NECAP2: variants seen among roughly 807,000 people sequenced by gnomAD.
NECAP2 encodes the protein adaptin ear-binding coat-associated protein 2.
Under a neutral mutation model 37.8 loss-of-function variants are expected in NECAP2, and 38 were observed. The ratio of observed to expected loss-of-function variants is 1.01; its 90% CI spans 0.78 to 1.32. The LOEUF is 1.32. NECAP2 is among the 40% of genes most tolerant of loss of function. NECAP2 has a pLI of 0.00. For synonymous variants in NECAP2, 121 were observed against 127.7 expected (o/e 0.95, Z 0.35); for missense variants, 316 against 334.5 (o/e 0.94, Z 0.43).
At chr1:16,455,776 C>A (rs1242684124) in intron 6 of NECAP2, 42 bp from the exon 7 acceptor site, 7 of 1,516,978 alleles carry the variant, frequency 4.6e-6, no homozygotes, top group South Asian at 3.4e-5. Flanking sequence ...CTTCTCTGTC[C>A]CCTCTTCTCT....
intron 5 of NECAP2, chr1:16,450,288 G>GTTT: frequency 1.3e-4 from 39 of 297,910 alleles, no homozygotes; most frequent in East Asian, 3.9e-4. Flanking sequence ...TTGTTTTGTT[G>GTTT]TTTTTTTTTT....
In NECAP2 at chr1:16,459,777, C is replaced by T. The variant is rs1328428478; in HGVS notation, c.*887C>T. The T allele has an allele frequency of 6.6e-6, 1 of 152,250 alleles. No homozygotes were observed. The highest frequency in any genetic ancestry group is 2.4e-5 in the African/African-American group (1 of 41,474). The allele number at this position is 152,250 out of a possible 1,614,324, so 9.4% of individuals were successfully genotyped here. On this transcript the variant is annotated 3_prime_UTR_variant, in exon 8 of 8. Transcript: ENST00000337132. ...CTCGGCTCACATGTTCACAGTGCAG[C>T]TCCTGGCAGACTTGGGTTTTCTCTT...
intron 5 of NECAP2, chr1:16,450,253 TTTTTG>T (rs1553169496): frequency 3.0e-5 from 12 of 394,144 alleles, no homozygotes; most frequent in African/African-American, 8.8e-5. Flanking sequence ...TAGTGGTTTT[TTTTTG>T]TTTTGTTTTG....
At chr1:16,447,785 C>A (rs141897360) in intron 2 of NECAP2, 85 bp from the exon 3 acceptor site, 2 of 1,065,748 alleles carry the variant, frequency 1.9e-6, no homozygotes, top group Non-Finnish European at 1.5e-6. Flanking sequence ...AGATGCCTTG[C>A]GGGCAAAAGG....
rs1019952045 is a variant in NECAP2 at position 16,453,004 on chromosome 1, C to T, written c.667+989C>T. The stretch of plus-strand genomic sequence containing the variant: ...GAGGGGCAGTCAGAGAGCCCCGGCC[C>T]GGTACCAGGAACTGTTCTTTAAGTG... On this transcript the variant is annotated intron_variant, in intron 6 of 7. Transcript: ENST00000337132. 5.9e-5 allele frequency among the ~76,000 whole-genome samples: 9 copies of T among 152,016 alleles called. No individual in the cohort carries two copies. The South Asian group carries it at 1.2e-3, about 21-fold the overall frequency.
In NECAP2 at chr1:16,459,191, T is replaced by G; in HGVS notation, c.*301T>G. The G allele has an allele frequency of 2.1e-6, 1 of 483,930 alleles. No homozygotes were observed. Among genetic ancestry groups the G allele is most frequent in the Non-Finnish European group, 3.6e-6 (1 of 279,276 alleles). The allele number at this position is 483,930 out of a possible 1,614,324, so 30.0% of individuals were successfully genotyped here. ...TGAGACTTCTTCCATCGCAATGACC[T>G]GTATTAAACACAAGCCCCCCAAGCA... On this transcript the variant is annotated 3_prime_UTR_variant, in exon 8 of 8. Coordinates refer to ENST00000337132, the MANE Select transcript of NECAP2 (RefSeq NM_018090.5).
chr1:16,450,174 G>A (rs991794755), intron 5 of NECAP2: 4 of 455,358 alleles, frequency 8.8e-6, no homozygotes, highest in Non-Finnish European at 1.8e-5. Context: ...CCAGTGGACT[G>A]GTTGGGATGT....
At chr1:16,453,746 C>CA (rs1453438443) in intron 6 of NECAP2, among the ~76,000 whole-genome samples, 1 of 152,156 alleles carries the variant, frequency 6.6e-6, no homozygotes, top group East Asian at 1.9e-4. Flanking sequence ...CTCAGCCTCC[C>CA]AAAGTGCTGG....
chr1:16,459,826 C>T lies in NECAP2; in HGVS notation c.*936C>T, dbSNP rs1266814929. The T allele has an allele frequency of 6.6e-6, 1 of 152,238 alleles. No homozygotes were observed. Among genetic ancestry groups the T allele is most frequent in the East Asian group, 1.9e-4 (1 of 5,194 alleles). The allele number at this position is 152,238 out of a possible 1,614,324, so 9.4% of individuals were successfully genotyped here. A position where few individuals can be genotyped will look rare whatever the true frequency, so the allele number is the denominator to read the frequency against. On this transcript the variant is annotated 3_prime_UTR_variant, in exon 8 of 8. Coordinates refer to ENST00000337132, the MANE Select transcript of NECAP2 (RefSeq NM_018090.5). ...TTTGGTGGTTTCTAAAGTGCCTTATCTGCAAACAACTTCTTTTCTCCTTCA... is the reference window on the plus strand; with the variant it reads ...TTTGGTGGTTTCTAAAGTGCCTTATTTGCAAACAACTTCTTTTCTCCTTCA...
intron 5 of NECAP2, chr1:16,449,564 T>G: frequency 1.8e-4 from 40 of 224,722 alleles, no homozygotes; most frequent in East Asian, 4.7e-4. Flanking sequence ...AAAGAGTGGT[T>G]CACACAGAGG....
chr1:16,458,932 T>C lies in NECAP2; in HGVS notation c.*42T>C. Reference sequence around the variant, plus strand: ...CCTCATGTGACTTCTGGGAAGGCGCTCCCTCATCTGGGCCAAAGGAAGGAG... The same window carrying C: ...CCTCATGTGACTTCTGGGAAGGCGCCCCCTCATCTGGGCCAAAGGAAGGAG... On this transcript the variant is annotated 3_prime_UTR_variant, in exon 8 of 8. Transcript: ENST00000337132. 1 of 1,613,904 alleles carries C rather than the reference T, an allele frequency of 6.2e-7. No individual in the cohort carries two copies. The highest frequency in any genetic ancestry group is 8.5e-7 in the Non-Finnish European group (1 of 1,179,950).
Position 16,455,833 on chromosome 1 carries a change from C to G in NECAP2, c.683C>G (p.Pro228Arg). ...ACATCAATAGGAGGTGCTCCTGTAC[C>G]CTGGCCACAGCCCAATCCTGCCACT... is the stretch of plus-strand genomic sequence containing the variant. ...VAPSSGGAPV[P>R]WPQPNPATAD... The change falls in exon 7 of 8, where the codon CCC becomes CGC. Residue 228 changes from proline (P) to arginine (R), a missense_variant. Physicochemically the swap from Pro to Arg is moderately radical, Grantham distance 103. This residue lies in a region of NECAP2 where 204 missense variants were observed against 188.6 expected (regional missense o/e 1.08). Transcript: ENST00000337132. The G allele has an allele frequency of 6.2e-7, 1 of 1,614,046 alleles. No individual in the cohort carries two copies. Among genetic ancestry groups the G allele is most frequent in the Non-Finnish European group, 8.5e-7 (1 of 1,179,954 alleles).
chr1:16,456,443 C>T (rs2086921008), intron 7 of NECAP2, among the ~76,000 whole-genome samples: 1 of 152,174 alleles, frequency 6.6e-6, no homozygotes, highest in Non-Finnish European at 1.5e-5. Context: ...TGGGGCAACC[C>T]TTTGCAAATC....
Position 16,443,692 on chromosome 1 carries a change from G to A in NECAP2, c.153G>A (p.Lys51=). The change falls in exon 2 of 8, where the codon AAG becomes AAA. Residue 51 remains lysine, a synonymous_variant. Coordinates refer to ENST00000337132, the MANE Select transcript of NECAP2 (RefSeq NM_018090.5). ...SWSGRLRITA[K]GQMAYIKLED... ...GTGGCCGGCTGAGGATCACTGCAAA[G>A]GGACAGATGGCCTACATCAAGCTGG... The A allele has an allele frequency of 2.5e-6, 4 of 1,613,092 alleles. No homozygotes were observed. Among genetic ancestry groups the A allele is most frequent in the Non-Finnish European group, 3.4e-6 (4 of 1,179,856 alleles).
intron 5 of NECAP2, 195 bp downstream of exon 5, chr1:16,449,396 C>G: frequency 1.9e-6 from 1 of 536,868 alleles, no homozygotes; most frequent in East Asian, 3.1e-5. Context: ...CTGAGACAGG[C>G]AGGTAAAAAT....
At chr1:16,441,053 C>T (rs2086683542) in intron 1 of NECAP2, 200 bp downstream of exon 1, 4 of 575,476 alleles carry the variant, frequency 7.0e-6, no homozygotes, top group Non-Finnish European at 1.2e-5. Flanking sequence ...GCACGGGACT[C>T]CTGGCGGCGG....
intron 6 of NECAP2, among the ~76,000 whole-genome samples, chr1:16,454,766 C>G (rs1197335220): frequency 2.0e-5 from 3 of 152,172 alleles, no homozygotes; most frequent in African/African-American, 7.2e-5. Flanking sequence ...ATCAAATAAG[C>G]TGATTTATGT....
chr1:16,455,756 A>G (rs766785544), intron 6 of NECAP2, 62 bp from the exon 7 acceptor site: 61 of 1,338,164 alleles, frequency 4.6e-5, no homozygotes, highest in Non-Finnish European at 6.5e-5. Context: ...ACAACCAGAA[A>G]GGTCTCTGAC....
At chr1:16,440,921 C>A in intron 1 of NECAP2, 68 bp downstream of exon 1, 1 of 1,385,258 alleles carries the variant, frequency 7.2e-7, no homozygotes, top group Non-Finnish European at 1.0e-6. Context: ...GACACACCCA[C>A]TGCGGGAACC....
Sources: gnomAD v4.1 joint callset for allele counts (sites outside exome capture counted in the v4.1 genomes callset) on GRCh38, gnomAD v4.1.1 for gene constraint, gnomAD v4.1.1 regional missense constraint, MANE v1.5 for transcripts, NCBI Gene and HGNC (gene_info 2026-07-23, HGNC 2026-07-21) for gene names.